Variants in CCDC30 observed in about 807,000 individuals in gnomAD.
CCDC30 encodes coiled-coil domain-containing protein 30.
Under a neutral mutation model 100.2 loss-of-function variants are expected in CCDC30, and 70 were observed. The observed-to-expected ratio is 0.70, with a 90% CI of 0.58 to 0.85. The LOEUF (loss-of-function observed/expected upper bound fraction) is 0.85, where lower values mean the gene tolerates loss of function less well. Among genes scored for constraint, CCDC30 ranks in the 40% least tolerant of loss-of-function variants. CCDC30 has a pLI of 0.00. For synonymous variants in CCDC30, 233 were observed against 269.5 expected (o/e 0.86, Z 1.33); for missense variants, 652 against 771.2 (o/e 0.85, Z 1.83).
At chr1:42,589,407 CTCAGCAACAATCCAGAAT>C in exon 10 of CCDC30, 1 of 1,613,804 alleles carries the variant, frequency 6.2e-7, no homozygotes, top group East Asian at 2.2e-5. Flanking sequence ...ATGACCTGTT[CTCAGCAACAATCCAGAAT>C]TCAGCAACAA....
chr1:42,609,498 G>A (rs1463055775), intron 10 of CCDC30, among the ~76,000 whole-genome samples: 1 of 152,112 alleles, frequency 6.6e-6, no homozygotes, highest in African/African-American at 2.4e-5. Flanking sequence ...GTTGTTCAGG[G>A]GTTAGGGGCA....
chr1:42,585,482 A>C (rs1354735481), intron 9 of CCDC30, among the ~76,000 whole-genome samples: 2 of 152,016 alleles, frequency 1.3e-5, no homozygotes, highest in African/African-American at 2.4e-5. Context: ...TCATCTTTTC[A>C]AAGAATGAAC....
chr1:42,482,916 A>G lies in CCDC30; in HGVS notation c.169+100A>G, dbSNP rs1405160975. Reference sequence around the variant, plus strand: ...GAAAAAAAAAAAACACTGAGAAACAAGTCTTTAAGATAAACACATAAAAGT... The same window carrying G: ...GAAAAAAAAAAAACACTGAGAAACAGGTCTTTAAGATAAACACATAAAAGT... On this transcript the variant is annotated intron_variant, in intron 3 of 16. Transcript: ENST00000668663. 13 of 814,388 alleles carry G rather than the reference A, an allele frequency of 1.6e-5. No individual in the cohort carries two copies. The East Asian group carries it at 3.7e-4, about 23-fold the overall frequency. The allele number at this position is 814,388 out of a possible 1,614,324, so 50.4% of individuals were successfully genotyped here. A position where few individuals can be genotyped will look rare whatever the true frequency, so the allele number is the denominator to read the frequency against.
At position 42,490,218 on chromosome 1, in the gene CCDC30, T is replaced by C. The variant is rs1644115768; in HGVS notation, c.230T>C (p.Leu77Pro). ...AAATTGAAGGAAAATTTGGTAAAGCTGAAAGAAAATGGTAAGTCATTCTAG... is the reference window on the plus strand; with the variant it reads ...AAATTGAAGGAAAATTTGGTAAAGCCGAAAGAAAATGGTAAGTCATTCTAG... The change falls in exon 4 of 17, where the codon CTG (leucine) becomes CCG (proline). Residue 77 changes from leucine to proline, a missense_variant. Coordinates refer to ENST00000668663, the Ensembl canonical transcript of CCDC30. 18 of 1,201,326 alleles carry C rather than the reference T, an allele frequency of 1.5e-5. No homozygotes were observed. The South Asian group carries it at 6.7e-4, about 45-fold the overall frequency. 74.4% of individuals were successfully genotyped at this position (1,201,326 alleles called of 1,614,324 possible).
At chr1:42,579,496 T>C (rs1425830455) in intron 8 of CCDC30, among the ~76,000 whole-genome samples, 1 of 151,170 alleles carries the variant, frequency 6.6e-6, no homozygotes, top group African/African-American at 2.4e-5. Flanking sequence ...TAGCCAGGTG[T>C]GGTGGCACGT....
chr1:42,557,721 A>ATATTAAATAAAATATGTTAATC (rs1645400643), intron 6 of CCDC30, among the ~76,000 whole-genome samples: 1 of 107,932 alleles, frequency 9.3e-6, no homozygotes, highest in African/African-American at 3.4e-5. Context: ...ATATGTAAAT[A>ATATTAAATAAAATATGTTAATC]ATAAAATATT....
intron 9 of CCDC30, 109 bp downstream of exon 13, chr1:42,581,623 C>T: frequency 1.0e-6 from 1 of 976,642 alleles, no homozygotes; most frequent in South Asian, 1.8e-5. Flanking sequence ...GCTCTGTCCC[C>T]ACTGAAGTAA....
Position 42,556,074 on chromosome 1 carries a change from G to C in CCDC30, c.457-10222G>C, listed in dbSNP as rs1364814001. 4.4e-6 allele frequency: 6 copies of C among 1,370,510 alleles called. No individual in the cohort carries two copies. The African/African-American group carries it at 5.9e-5, about 13-fold the overall frequency. The allele number at this position is 1,370,510 out of a possible 1,614,324, so 84.9% of individuals were successfully genotyped here. ...GGTTGAAAATCTTGTTTGCAACACT[G>C]TCTTGACTTGTAGCTTTTTTTTCCC... On this transcript the variant is annotated intron_variant, in intron 6 of 16. Transcript: ENST00000668663.
chr1:42,606,497 C>T (rs1298818023), intron 10 of CCDC30, among the ~76,000 whole-genome samples: 2 of 152,086 alleles, frequency 1.3e-5, no homozygotes, highest in African/African-American at 2.4e-5. Flanking sequence ...AGGCTTGTCT[C>T]GAACTCCTGA....
intron 6 of CCDC30, among the ~76,000 whole-genome samples, chr1:42,526,332 A>T (rs1028177767): frequency 2.6e-5 from 4 of 152,046 alleles, no homozygotes; most frequent in Admixed American, 2.6e-4. Flanking sequence ...TTATTCCGTC[A>T]TGGCCCTTTT....
intron 11 of CCDC30, among the ~76,000 whole-genome samples, chr1:42,623,422 G>T (rs546817423): frequency 1.3e-5 from 2 of 152,176 alleles, no homozygotes; most frequent in South Asian, 2.1e-4. Context: ...TACAGTGAGA[G>T]ATAGGGATCT....
At chr1:42,508,394 C>T (rs937570314) in intron 6 of CCDC30, among the ~76,000 whole-genome samples, 1 of 152,110 alleles carries the variant, frequency 6.6e-6, no homozygotes, top group African/African-American at 2.4e-5. Context: ...GGGATGTTTC[C>T]AAATCTTCCG....
intron 6 of CCDC30, among the ~76,000 whole-genome samples, chr1:42,532,016 G>A (rs1289196234): frequency 6.6e-6 from 1 of 152,148 alleles, no homozygotes; most frequent in Non-Finnish European, 1.5e-5. Flanking sequence ...TTTTGGCCGG[G>A]TGCAGTGGCT....
chr1:42,575,720 A>T (rs1397868657), intron 7 of CCDC30, among the ~76,000 whole-genome samples: 1 of 151,884 alleles, frequency 6.6e-6, no homozygotes, highest in Non-Finnish European at 1.5e-5. Context: ...GGGAAAGGGG[A>T]TATAAACAGG....
At chr1:42,653,697 AT>A in intron 16 of CCDC30, 120 bp from the exon 21 acceptor site, 3 of 707,004 alleles carry the variant, frequency 4.2e-6, no homozygotes, top group Non-Finnish European at 7.2e-6. Flanking sequence ...GGTAAATTTT[AT>A]TTGGCTTTGT....
chr1:42,602,292 A>T (rs534783557), intron 10 of CCDC30, among the ~76,000 whole-genome samples: 7 of 152,148 alleles, frequency 4.6e-5, no homozygotes, highest in South Asian at 2.1e-4. Flanking sequence ...GTAAAAAAAA[A>T]ATTTTGAAGA....
intron 6 of CCDC30, among the ~76,000 whole-genome samples, chr1:42,499,641 A>G (rs1021307229): frequency 2.6e-5 from 4 of 151,946 alleles, no homozygotes; most frequent in African/African-American, 7.3e-5. Flanking sequence ...ACACTCAACT[A>G]ATTTTAAAAA....
intron 6 of CCDC30, among the ~76,000 whole-genome samples, chr1:42,520,969 T>C (rs1644633378): frequency 1.0e-5 from 1 of 99,746 alleles, no homozygotes; most frequent in Admixed American, 1.0e-4. Flanking sequence ...TTTAAGTATT[T>C]TCTTTTTTCT....
intron 11 of CCDC30, among the ~76,000 whole-genome samples, chr1:42,612,541 T>C (rs1014567465): frequency 8.5e-5 from 13 of 152,206 alleles, no homozygotes; most frequent in African/African-American, 3.1e-4. Context: ...TTTTATTAAA[T>C]ACTTTTTATA....
Sources: gnomAD v4.1 joint callset for allele counts (sites outside exome capture counted in the v4.1 genomes callset) on GRCh38, gnomAD v4.1.1 for gene constraint, MANE v1.5 for transcripts, NCBI Gene and HGNC (gene_info 2026-07-23, HGNC 2026-07-21) for gene names.